MAP4: variants seen among roughly 807,000 people sequenced by gnomAD.
MAP4 encodes the protein microtubule associated protein 4.
A neutral mutation model predicts 170.2 loss-of-function variants in MAP4; 76 were observed. That is an observed-to-expected ratio of 0.45 (90% CI 0.37 to 0.54). The LOEUF (loss-of-function observed/expected upper bound fraction) is 0.54. Ranked by LOEUF, MAP4 falls within the 20% of genes least tolerant of loss-of-function variation. The probability of loss-of-function intolerance (pLI) is 0.00; values close to 1 mark genes in which losing one functional copy is unlikely to be tolerated. For synonymous variants in MAP4, 909 were observed against 994.5 expected (o/e 0.91, Z 1.62); for missense variants, 2,506 against 2,748.0 (o/e 0.91, Z 1.97).
intron 10 of MAP4, among the ~76,000 whole-genome samples, chr3:47,878,836 C>A (rs2096069137): frequency 7.4e-6 from 1 of 134,382 alleles, no homozygotes; most frequent in Non-Finnish European, 1.6e-5. Flanking sequence ...CCATGCCTGG[C>A]CTGAAATGCC....
intron 10 of MAP4, among the ~76,000 whole-genome samples, chr3:47,883,642 G>C (rs2097142807): frequency 6.6e-6 from 1 of 152,150 alleles, no homozygotes; most frequent in Non-Finnish European, 1.5e-5. Flanking sequence ...CTAAGGGTAT[G>C]TCTACTAGCA....
chr3:47,877,262 A>T, intron 11 of MAP4, 155 bp downstream of exon 11: 1 of 614,046 alleles, frequency 1.6e-6, no homozygotes, highest in Middle Eastern at 4.1e-4. Context: ...GTGGTAAATG[A>T]GAATACAAGA....
intron 1 of MAP4, among the ~76,000 whole-genome samples, chr3:48,035,785 C>T (rs1334361936): frequency 6.6e-6 from 1 of 151,854 alleles, no homozygotes; most frequent in Non-Finnish European, 1.5e-5. Flanking sequence ...ACTAAAATTA[C>T]AAAAATTAGC....
intron 1 of MAP4, among the ~76,000 whole-genome samples, chr3:48,006,207 T>C (rs1005039726): frequency 6.7e-6 from 1 of 149,442 alleles, no homozygotes; most frequent in South Asian, 2.2e-4. Flanking sequence ...CCAGAACCCC[T>C]TGAATGAAGG....
At chr3:47,896,503 T>C (rs1207234688) in intron 10 of MAP4, among the ~76,000 whole-genome samples, 2 of 152,210 alleles carry the variant, frequency 1.3e-5, no homozygotes. Flanking sequence ...CACTCCAGCC[T>C]GGGCAACAAG....
At chr3:48,082,382 G>A (rs2100147049) in intron 1 of MAP4, among the ~76,000 whole-genome samples, 1 of 152,208 alleles carries the variant, frequency 6.6e-6, no homozygotes, top group African/African-American at 2.4e-5. Context: ...CCCTTCAGGG[G>A]TTGGAGCTTA....
intron 10 of MAP4, chr3:47,891,141 C>G (rs879648217): frequency 6.5e-7 from 1 of 1,536,204 alleles, no homozygotes; most frequent in Admixed American, 2.0e-5. Flanking sequence ...CGCTGGCAAA[C>G]CTGCGAGCAT....
intron 17 of MAP4, among the ~76,000 whole-genome samples, chr3:47,863,189 T>C (rs1388197522): frequency 2.0e-5 from 3 of 152,202 alleles, no homozygotes. Flanking sequence ...TTGGTCAGGC[T>C]GGTCTTGAAC....
intron 1 of MAP4, among the ~76,000 whole-genome samples, chr3:48,026,362 CTT>C (rs1274745160): frequency 1.3e-5 from 2 of 152,202 alleles, no homozygotes; most frequent in African/African-American, 4.8e-5. Context: ...AACAGTTTCT[CTT>C]TTAAAAATTG....
intron 19 of MAP4, among the ~76,000 whole-genome samples, chr3:47,854,824 G>A (rs2051901625): frequency 6.6e-6 from 1 of 152,244 alleles, no homozygotes; most frequent in East Asian, 1.9e-4. Flanking sequence ...AGCTAAGAAT[G>A]TGCTGTCCTG....
intron 17 of MAP4, among the ~76,000 whole-genome samples, chr3:47,858,980 A>G (rs1038725351): frequency 6.6e-6 from 1 of 152,002 alleles, no homozygotes; most frequent in Non-Finnish European, 1.5e-5. Context: ...TACAAAAAAA[A>G]TTAGCCGGGC....
intron 16 of MAP4, among the ~76,000 whole-genome samples, chr3:47,868,109 G>A (rs1337441224): frequency 1.3e-5 from 2 of 152,174 alleles, no homozygotes; most frequent in Non-Finnish European, 2.9e-5. Context: ...GGGCAGCAAG[G>A]ACGCCCAATC....
At chr3:47,919,443 G>T (rs140043118) in intron 5 of MAP4, among the ~76,000 whole-genome samples, 329 of 152,176 alleles carry the variant, frequency 2.2e-3, no homozygotes, top group African/African-American at 7.7e-3. Context: ...AAGTAGCTGG[G>T]ACTACAAGCA....
At chr3:47,945,393 T>C (rs550043946) in intron 3 of MAP4, among the ~76,000 whole-genome samples, 1 of 152,166 alleles carries the variant, frequency 6.6e-6, no homozygotes, top group South Asian at 2.1e-4. Flanking sequence ...AACCTATGCA[T>C]ACATTTAAAC....
rs915506680 is a variant in MAP4, at chr3:47,851,343, G to A, written c.*1591C>T. ...CCTCAGAAAGGGGGAGGACCTGTCAGGCCCAGGACAGCCTCCCTGCACATG... is the reference window on the plus strand; with the variant it reads ...CCTCAGAAAGGGGGAGGACCTGTCAAGCCCAGGACAGCCTCCCTGCACATG... On this transcript the variant is annotated 3_prime_UTR_variant, in exon 21 of 21. Transcript: ENST00000683076. 2.2e-4 allele frequency: 34 copies of A among 152,220 alleles called. No homozygotes were observed. Among genetic ancestry groups the A allele is most frequent in the African/African-American group, 6.3e-4 (26 of 41,416 alleles). The allele number at this position is 152,220 out of a possible 1,614,324, so 9.4% of individuals were successfully genotyped here.
chr3:48,001,720 G>A (rs2100099256), intron 1 of MAP4, among the ~76,000 whole-genome samples: 1 of 152,022 alleles, frequency 6.6e-6, no homozygotes, highest in Non-Finnish European at 1.5e-5. Context: ...GGCTGGTCTC[G>A]AACTCCTGAC....
chr3:47,875,697 G>A lies in MAP4; in HGVS notation c.5745C>T (p.Asp1915=), dbSNP rs371194301. 5.6e-6 allele frequency: 9 copies of A among 1,612,838 alleles called. No individual in the cohort carries two copies. The highest frequency in any genetic ancestry group is 2.2e-5 in the East Asian group (1 of 44,878). ...SARPSILPSK[D]VKPKPIADAK... Reference sequence around the variant, plus strand: ...GGTGACCACTTACCTTTGGCTTCACGTCTTTTGAAGGTAAGATGGAAGGCC... The same window carrying A: ...GGTGACCACTTACCTTTGGCTTCACATCTTTTGAAGGTAAGATGGAAGGCC... The change falls in exon 12 of 21, where the codon GAC becomes GAT. Residue 1915 remains aspartate, a synonymous_variant. Transcript: ENST00000683076.
Position 47,916,698 on chromosome 3 carries a change from T to C in MAP4, c.1129A>G (p.Lys377Glu), listed in dbSNP as rs774927401. The C allele has an allele frequency of 2.5e-5, 41 of 1,614,018 alleles. No individual in the cohort carries two copies. Among genetic ancestry groups the C allele is most frequent in the Non-Finnish European group, 3.4e-5 (40 of 1,179,986 alleles). ...GGAGATGCCCTCTCTGTTTCTTTCT[T>C]GTTTTCTTTGGGTGGTCCCATGTCC... ...SKDMGPPKEN[K>E]KETERASPIK... The change falls in exon 7 of 21, where the codon AAG (lysine) becomes GAG (glutamate). Residue 377 changes from lysine (K) to glutamate (E), a missense_variant. Lys to Glu is a moderately conservative substitution (Grantham distance 56). Transcript: ENST00000683076.
intron 1 of MAP4, among the ~76,000 whole-genome samples, chr3:48,040,339 G>A (rs578007666): frequency 7.9e-5 from 12 of 152,128 alleles, no homozygotes; most frequent in African/African-American, 2.9e-4. Context: ...CGTGATCTCG[G>A]CTCACTGCAA....
Sources: allele counts gnomAD v4.1 joint callset (sites outside exome capture counted in the v4.1 genomes callset), GRCh38; gene constraint gnomAD v4.1.1; transcripts MANE v1.5; gene names NCBI Gene and HGNC (gene_info 2026-07-23, HGNC 2026-07-21).